Variants in PUM3 observed in about 807,000 individuals in gnomAD.
PUM3 encodes the protein pumilio RNA binding family member 3.
Under a neutral mutation model 84.0 loss-of-function variants are expected in PUM3, and 91 were observed. That is an observed-to-expected ratio of 1.08 (90% confidence interval 0.91 to 1.29). The LOEUF (loss-of-function observed/expected upper bound fraction) is 1.29. Ranked by LOEUF, PUM3 falls within the 50% of genes most tolerant of loss-of-function variation. The pLI, the probability that PUM3 is intolerant of heterozygous loss-of-function variation, is 0.00. For missense variants in PUM3, 1,067 were observed against 767.5 expected (o/e 1.39, Z -4.61); for synonymous variants, 321 against 266.7 (o/e 1.20, Z -1.98).
chr9:2,819,907 T>C lies in PUM3; in HGVS notation c.1269+111A>G, dbSNP rs187603002. 7.6e-5 allele frequency: 45 copies of C among 589,462 alleles called. No individual in the cohort carries two copies. In the East Asian group the frequency reaches 1.1e-3, roughly 15 times the overall value. The allele number at this position is 589,462 out of a possible 1,614,324, so 36.5% of individuals were successfully genotyped here. On this transcript the variant is annotated intron_variant, in intron 13 of 17. Transcript: ENST00000397885. Reference sequence around the variant, plus strand: ...TTAACTTAAAAGTAAGCAAAAATACTGATAGAAGGCACAGCTGCAAGTCTT... The same window carrying C: ...TTAACTTAAAAGTAAGCAAAAATACCGATAGAAGGCACAGCTGCAAGTCTT...
intron 12 of PUM3, among the ~76,000 whole-genome samples, chr9:2,822,927 A>G (rs905292934): frequency 1.3e-5 from 2 of 151,754 alleles, no homozygotes; most frequent in Non-Finnish European, 2.9e-5. Context: ...GTACACAATC[A>G]CACAGCATTA....
At position 2,804,649 on chromosome 9, in the gene PUM3, G is replaced by A. The variant is rs112807795; in HGVS notation, c.1815-186C>T. Reference sequence around the variant, plus strand: ...ATATTATAACACCACGGAAAAAAACGTTTTAGAATCTTGCTGGTGGAGTCA... The same window carrying A: ...ATATTATAACACCACGGAAAAAAACATTTTAGAATCTTGCTGGTGGAGTCA... On this transcript the variant is annotated intron_variant, in intron 17 of 17. Coordinates refer to ENST00000397885, the MANE Select transcript of PUM3 (RefSeq NM_014878.5). Among the ~76,000 whole-genome samples the A allele has an allele frequency of 9.5e-3, 1,451 of 152,264 alleles. 38 individuals carry two copies. The highest frequency in any genetic ancestry group is 0.033 in the African/African-American group (1,389 of 41,534).
chr9:2,810,307 CAT>C (rs1563825288), intron 16 of PUM3, 35 bp downstream of exon 16: 3 of 1,337,400 alleles, frequency 2.2e-6, no homozygotes, highest in South Asian at 1.2e-5. Context: ...TGGAATTCCA[CAT>C]GAGATACAAG....
intron 12 of PUM3, among the ~76,000 whole-genome samples, chr9:2,822,271 T>C (rs1365344741): frequency 1.3e-5 from 2 of 152,092 alleles, no homozygotes; most frequent in African/African-American, 4.8e-5. Context: ...AATTGACAAA[T>C]ATAGAATACC....
At chr9:2,807,174 C>T (rs1821275335) in intron 17 of PUM3, among the ~76,000 whole-genome samples, 2 of 152,022 alleles carry the variant, frequency 1.3e-5, no homozygotes, top group Admixed American at 1.3e-4. Context: ...CACCACTGCA[C>T]TCCAGCCTGG....
rs1040484385 is a variant in PUM3 at position 2,833,529 on chromosome 9, A to G, written c.441-97T>C. The G allele has an allele frequency of 1.3e-5, 8 of 603,532 alleles. No individual in the cohort carries two copies. The Admixed American group carries it at 2.6e-4, about 19-fold the overall frequency. The allele number at this position is 603,532 out of a possible 1,614,324, so 37.4% of individuals were successfully genotyped here. On this transcript the variant is annotated intron_variant, in intron 4 of 17. Coordinates refer to ENST00000397885, the MANE Select transcript of PUM3 (RefSeq NM_014878.5). ...GTACCAGTATATGTTCTCCAAGTTC[A>G]GCATGATTTTCTTTTCTAAGGCAGC...
intron 17 of PUM3, among the ~76,000 whole-genome samples, chr9:2,805,854 G>A (rs1821247781): frequency 1.3e-5 from 2 of 151,642 alleles, no homozygotes; most frequent in African/African-American, 2.4e-5. Context: ...CCAAGGCTAT[G>A]CACTAAGCTA....
chr9:2,824,972 C>A (rs1204667638), intron 10 of PUM3, among the ~76,000 whole-genome samples, 157 bp from the exon 11 acceptor site: 1 of 152,198 alleles, frequency 6.6e-6, no homozygotes, highest in Non-Finnish European at 1.5e-5. Context: ...CAAACAGAAA[C>A]ACGAGCTCTT....
At chr9:2,840,829 T>G (rs10116824) in intron 1 of PUM3, among the ~76,000 whole-genome samples, 67,484 of 151,966 alleles carry the variant, frequency 0.44, 15,721 homozygotes, top group South Asian at 0.58. Flanking sequence ...AATCAGCCAC[T>G]TCTCCAAGGA....
chr9:2,818,633 T>C (rs1007163417), intron 13 of PUM3, among the ~76,000 whole-genome samples: 4 of 152,250 alleles, frequency 2.6e-5, no homozygotes, highest in Non-Finnish European at 5.9e-5. Flanking sequence ...ACAATCATTA[T>C]TGATTGGAGT....
At chr9:2,835,046 A>G (rs1264385999) in intron 3 of PUM3, among the ~76,000 whole-genome samples, 2 of 151,602 alleles carry the variant, frequency 1.3e-5, no homozygotes, top group Non-Finnish European at 1.5e-5. Context: ...AAAACCCTGT[A>G]AAACCAAAAC....
At chr9:2,804,638 C>T (rs984193125) in intron 17 of PUM3, among the ~76,000 whole-genome samples, 175 bp from the exon 18 acceptor site, 1 of 152,130 alleles carries the variant, frequency 6.6e-6, no homozygotes. Flanking sequence ...TATAACACCA[C>T]GGAAAAAAAC....
intron 13 of PUM3, among the ~76,000 whole-genome samples, chr9:2,818,298 T>A (rs1211371402): frequency 2.6e-5 from 4 of 152,246 alleles, no homozygotes; most frequent in African/African-American, 9.6e-5. Context: ...CAGGGAAAGC[T>A]GCCCTAAGTA....
intron 9 of PUM3, 106 bp from the exon 10 acceptor site, chr9:2,827,257 T>A (rs1815847978): frequency 1.4e-6 from 1 of 695,104 alleles, no homozygotes; most frequent in Non-Finnish European, 2.4e-6. Context: ...AGTGAAATGG[T>A]TTTACTGAAT....
Position 2,807,056 on chromosome 9 carries a change from A to T in PUM3, c.1814+758T>A, listed in dbSNP as rs533961368. 1.1e-4 allele frequency among the ~76,000 whole-genome samples: 16 copies of T among 152,228 alleles called. No individual in the cohort carries two copies. In the South Asian group the frequency reaches 3.3e-3, roughly 32 times the overall value. On this transcript the variant is annotated intron_variant, in intron 17 of 17. Coordinates refer to ENST00000397885, the MANE Select transcript of PUM3 (RefSeq NM_014878.5). ...ACCAGGTCTCTACTAAAAATAAAAA[A>T]AATTAGCTGGGCGTGGTGGCGGGCA...
At chr9:2,818,061 T>C (rs1490344977) in intron 13 of PUM3, among the ~76,000 whole-genome samples, 2 of 152,224 alleles carry the variant, frequency 1.3e-5, no homozygotes, top group Non-Finnish European at 2.9e-5. Flanking sequence ...ACCTGACATT[T>C]TGGGAAGTCT....
In PUM3 at chr9:2,820,049, T is replaced by C. The variant is rs1316868183; in HGVS notation, c.1238A>G (p.Asp413Gly). The C allele has an allele frequency of 3.0e-5, 49 of 1,612,344 alleles. No individual in the cohort carries two copies. Among genetic ancestry groups the C allele is most frequent in the Non-Finnish European group, 4.2e-5 (49 of 1,178,618 alleles). Residue 413 changes from aspartate (D) to glycine (G), a missense_variant, in exon 13 of 18, where the codon GAT becomes GGT. Asp to Gly is a moderately conservative substitution (Grantham distance 94). Transcript: ENST00000397885. ...VLLAAFDCIDDTKLVKQIIIS... is the reference protein window; with the variant it reads ...VLLAAFDCIDGTKLVKQIIIS... ...GATTATCTGCTTCACAAGCTTAGTA[T>C]CATCAATACAATCAAATGCCGCCAG...
intron 14 of PUM3, among the ~76,000 whole-genome samples, chr9:2,811,840 CA>C (rs60586864): frequency 0.035 from 3,576 of 101,162 alleles, 136 homozygotes; most frequent in African/African-American, 0.11. Context: ...TGTGTAATAC[CA>C]AAAAAAAAAA....
intron 3 of PUM3, among the ~76,000 whole-genome samples, chr9:2,835,086 T>C (rs564194284): frequency 2.7e-4 from 41 of 152,160 alleles, no homozygotes; most frequent in Non-Finnish European, 5.6e-4. Flanking sequence ...ATTTTCCCCT[T>C]GCTTCTTCTC....
Sources: gnomAD v4.1 joint callset for allele counts (sites outside exome capture counted in the v4.1 genomes callset) on GRCh38, gnomAD v4.1.1 for gene constraint, MANE v1.5 for transcripts, NCBI Gene and HGNC (gene_info 2026-07-23, HGNC 2026-07-21) for gene names.